The following IRX4 variants were observed in gnomAD, a reference collection of about 807,000 sequenced individuals.
IRX4 encodes iroquois homeobox 4.
Under a neutral mutation model 32.0 loss-of-function variants are expected in IRX4, and 22 were observed. The ratio of observed to expected loss-of-function variants is 0.69; its 90% CI spans 0.49 to 0.98. IRX4 has a LOEUF of 0.98. IRX4 is among the 50% of genes least tolerant of loss of function. The probability of loss-of-function intolerance (pLI) is 0.00; values close to 1 mark genes in which losing one functional copy is unlikely to be tolerated. For synonymous variants in IRX4, 379 were observed against 351.7 expected, an observed-to-expected ratio of 1.08 and a Z score of -0.87; for missense variants, 840 against 744.2, an observed-to-expected ratio of 1.13 and a Z score of -1.50.
At position 1,882,668 on chromosome 5, in the gene IRX4, G is replaced by C. The variant is rs1735496452; in HGVS notation, c.-21C>G. The C allele has an allele frequency of 2.8e-5, 38 of 1,376,296 alleles. No individual in the cohort carries two copies. The highest frequency in any genetic ancestry group is 3.4e-5 in the Non-Finnish European group (36 of 1,061,900). The allele number at this position is 1,376,296 out of a possible 1,614,324, so 85.3% of individuals were successfully genotyped here. ...GACATGGCGGGCGCGGCCCGGGGCG[G>C]ACGGGCGGGGCCTGCAGGGTTCTGC... On this transcript the variant is annotated 5_prime_UTR_variant, in exon 1 of 5. Transcript: ENST00000231357.
Position 1,879,570 on chromosome 5 carries a change from C to T in IRX4, c.670G>A (p.Gly224Ser), listed in dbSNP as rs766614684. The stretch of plus-strand genomic sequence containing the variant: ...TCCTCGCCCCCCTCCTCCTCCTCGC[C>T]CTCCGCGTAGGGCCGCTTCTCGTCT... Reference protein sequence around the residue: ...CADEKRPYAEGEEEEGGEEEA... With the variant: ...CADEKRPYAESEEEEGGEEEA... The change falls in exon 4 of 5, where the codon GGC becomes AGC. Residue 224 changes from glycine (G) to serine (S), a missense_variant. Transcript: ENST00000231357. 4 of 1,613,696 alleles carry T rather than the reference C, an allele frequency of 2.5e-6. No homozygotes were observed. The highest frequency in any genetic ancestry group is 4.5e-5 in the East Asian group (2 of 44,882).
At position 1,882,632 on chromosome 5, in the gene IRX4, A is replaced by C; in HGVS notation, c.16T>G (p.Phe6Val). 7.0e-7 allele frequency: 1 copy of C among 1,422,882 alleles called. No homozygotes were observed. The highest frequency in any genetic ancestry group is 1.5e-5 in the South Asian group (1 of 65,674). 88.1% of individuals were successfully genotyped at this position (1,422,882 alleles called of 1,614,324 possible). Residue 6 changes from phenylalanine to valine, a missense_variant, in exon 1 of 5, where the codon TTT becomes GTT. Around this residue, in one of 3 missense-constraint regions of IRX4, gnomAD observed 241 missense variants for 220.8 expected, o/e 1.09. Coordinates refer to ENST00000231357, the MANE Select transcript of IRX4 (RefSeq NM_016358.3). ...GGAGCCGAGGAGTAGGGGTATCCAAACTGCGGGTAGGACATGGCGGGCGCG... is the reference window on the plus strand; with the variant it reads ...GGAGCCGAGGAGTAGGGGTATCCAACCTGCGGGTAGGACATGGCGGGCGCG... MSYPQ[F>V]GYPYSSAPQF... is the part of the protein sequence containing the mutation.
At chr5:1,882,165 C>T in intron 1 of IRX4, 106 bp from the exon 2 acceptor site, 1 of 1,351,298 alleles carries the variant, frequency 7.4e-7, no homozygotes, top group Non-Finnish European at 9.8e-7. Context: ...CCGAGTACCC[C>T]CGGGCCTCCC....
chr5:1,881,476 AGAG>A, intron 2 of IRX4, among the ~76,000 whole-genome samples: 1 of 151,350 alleles, frequency 6.6e-6, no homozygotes, highest in Admixed American at 6.6e-5. Context: ...GGAGGCGGGG[AGAG>A]GAGAATGGGG....
chr5:1,878,858 C>T (rs867072253), intron 4 of IRX4, 66 bp from the exon 5 acceptor site: 10 of 1,530,838 alleles, frequency 6.5e-6, no homozygotes, highest in South Asian at 5.6e-5. Flanking sequence ...CCCCTGTCCC[C>T]GTCCACCATT....
rs773368386 is a variant in IRX4 at position 1,882,100 on chromosome 5, G to A, written c.46-41C>T. 9 of 1,533,366 alleles carry A rather than the reference G, an allele frequency of 5.9e-6. No individual in the cohort carries two copies. In the East Asian group the frequency reaches 7.4e-5, roughly 13 times the overall value. 95.0% of individuals were successfully genotyped at this position (1,533,366 alleles called of 1,614,324 possible). A position where few individuals can be genotyped will look rare whatever the true frequency, so the allele number is the denominator to read the frequency against. The stretch of plus-strand genomic sequence containing the variant: ...GCGAGGACTGGCGGGAAGCCGGGCT[G>A]GAGGCTGGGGCCCTGGGCCTTGCCA... On this transcript the variant is annotated intron_variant, in intron 1 of 4. Coordinates refer to ENST00000231357, the MANE Select transcript of IRX4 (RefSeq NM_016358.3).
chr5:1,880,095 G>T, intron 3 of IRX4: 1 of 1,535,612 alleles, frequency 6.5e-7, no homozygotes, highest in Non-Finnish European at 8.7e-7. Flanking sequence ...CCAAGCCAGA[G>T]AGGTCCAGGC....
intron 1 of IRX4, 50 bp downstream of exon 1, chr5:1,882,553 C>G: frequency 6.8e-7 from 1 of 1,464,200 alleles, no homozygotes; most frequent in Non-Finnish European, 9.2e-7. Context: ...CCCGCCCCAT[C>G]CGCCCTACCG....
chr5:1,880,062 T>G lies in IRX4; in HGVS notation c.408-230A>C, dbSNP rs1735375559. ...GGGCAAAGATTATATTTGACTAAACTTACAGGGAGCCTGGGCTCCTTCCCA... is the reference window on the plus strand; with the variant it reads ...GGGCAAAGATTATATTTGACTAAACGTACAGGGAGCCTGGGCTCCTTCCCA... On this transcript the variant is annotated intron_variant, in intron 3 of 4. Coordinates refer to ENST00000231357, the MANE Select transcript of IRX4 (RefSeq NM_016358.3). The G allele has an allele frequency of 5.9e-6, 9 of 1,533,802 alleles. No homozygotes were observed. Among genetic ancestry groups the G allele is most frequent in the Non-Finnish European group, 7.9e-6 (9 of 1,146,108 alleles).
chr5:1,878,022 C>T lies in IRX4; in HGVS notation c.1507G>A (p.Ala503Thr). ...VPQDAPAAGA[A>T]RELLALPKAG... is the part of the protein sequence containing the mutation. ...TTGGGCAGGGCGAGCAGCTCCCTGG[C>T]GGCGCCTGCAGCTGGGGCGTCCTGG... Residue 503 changes from alanine to threonine, a missense_variant, in exon 5 of 5, where the codon GCC becomes ACC. Around this residue, in one of 3 missense-constraint regions of IRX4, gnomAD observed 585 missense variants for 488.0 expected, o/e 1.20. Coordinates refer to ENST00000231357, the MANE Select transcript of IRX4 (RefSeq NM_016358.3). 1 of 1,506,890 alleles carries T rather than the reference C, an allele frequency of 6.6e-7. No individual in the cohort carries two copies. Among genetic ancestry groups the T allele is most frequent in the Non-Finnish European group, 8.8e-7 (1 of 1,133,330 alleles). The allele number at this position is 1,506,890 out of a possible 1,614,324, so 93.3% of individuals were successfully genotyped here.
At chr5:1,885,020 G>GA (rs1735583577), upstream of IRX4, among the ~76,000 whole-genome samples, 1 of 152,234 alleles carries the variant, frequency 6.6e-6, no homozygotes, top group Admixed American at 6.5e-5. Context: ...CCCCAGAGGG[G>GA]AGGCATTCAG....
chr5:1,878,323 G>C lies in IRX4; in HGVS notation c.1206C>G (p.Ala402=), dbSNP rs748568709. The change falls in exon 5 of 5, where the codon GCC becomes GCG. Residue 402 remains alanine (A), a synonymous_variant. Coordinates refer to ENST00000231357, the MANE Select transcript of IRX4 (RefSeq NM_016358.3). ...SCMLKRQGPA[A]PAAVSSAPAT... is the part of the protein sequence containing the mutation. ...CGGGCGCGGAGGACACAGCCGCAGGGGCCGCGGGACCTTGGCGCTTGAGCA... is the reference window on the plus strand; with the variant it reads ...CGGGCGCGGAGGACACAGCCGCAGGCGCCGCGGGACCTTGGCGCTTGAGCA... 1 of 1,561,830 alleles carries C rather than the reference G, an allele frequency of 6.4e-7. No homozygotes were observed. The highest frequency in any genetic ancestry group is 1.2e-5 in the South Asian group (1 of 85,224).
At position 1,882,821 on chromosome 5, in the gene IRX4, T is replaced by G; in HGVS notation, c.-174A>C. ...AAACTTTTCTAACCGGGTAACAAAG[T>G]GAGCAGCGGTGGCCGCCGCGATTCC... On this transcript the variant is annotated 5_prime_UTR_variant, in exon 1 of 5. Coordinates refer to ENST00000231357, the MANE Select transcript of IRX4 (RefSeq NM_016358.3). 2.4e-6 allele frequency: 1 copy of G among 411,428 alleles called. No homozygotes were observed. 25.5% of individuals were successfully genotyped at this position (411,428 alleles called of 1,614,324 possible).
rs561704242 is a variant in IRX4 at position 1,878,734 on chromosome 5, C to A, written c.795G>T (p.Pro265=). 3 of 1,613,006 alleles carry A rather than the reference C, an allele frequency of 1.9e-6. No homozygotes were observed. The highest frequency in any genetic ancestry group is 1.1e-5 in the South Asian group (1 of 91,072). Residue 265 remains proline (P), a synonymous_variant, in exon 5 of 5, where the codon CCG becomes CCT. Coordinates refer to ENST00000231357, the MANE Select transcript of IRX4 (RefSeq NM_016358.3). ...LELSDLDDFD[P]LEAEPPACEL... ...CGCACGCCGGCGGCTCTGCTTCCAG[C>A]GGGTCGAAGTCGTCCAAGTCACTAA... is the stretch of plus-strand genomic sequence containing the variant.
upstream of IRX4, among the ~76,000 whole-genome samples, chr5:1,886,108 G>A (rs1456173064): frequency 6.6e-6 from 1 of 152,264 alleles, no homozygotes; most frequent in African/African-American, 2.4e-5. Context: ...CGAAGCGCAG[G>A]CGGGTCGCCT....
In IRX4 at chr5:1,878,550, G is replaced by A. The variant is rs2111433803; in HGVS notation, c.979C>T (p.Leu327Phe). 1 of 1,509,832 alleles carries A rather than the reference G, an allele frequency of 6.6e-7. No individual in the cohort carries two copies. 93.5% of individuals were successfully genotyped at this position (1,509,832 alleles called of 1,614,324 possible). A position where few individuals can be genotyped will look rare whatever the true frequency, so the allele number is the denominator to read the frequency against. The stretch of plus-strand genomic sequence containing the variant: ...TCCGGCCCGGCCGCCGCGCTGCGGA[G>A]ACAGCTCCGGGCCCTCTCCAGGTCC... ...DEDLERARSC[L>F]RSAAAGPEPL... Residue 327 changes from leucine (L) to phenylalanine (F), a missense_variant, in exon 5 of 5, where the codon CTC (leucine) becomes TTC (phenylalanine). By Grantham distance (22) the Leu-to-Phe change is conservative. Transcript: ENST00000231357.
In IRX4 at chr5:1,878,718, G is replaced by C; in HGVS notation, c.811C>G (p.Pro271Ala). 6.2e-7 allele frequency: 1 copy of C among 1,612,700 alleles called. No individual in the cohort carries two copies. Among genetic ancestry groups the C allele is most frequent in the Non-Finnish European group, 8.5e-7 (1 of 1,179,948 alleles). Residue 271 changes from proline to alanine, a missense_variant, in exon 5 of 5, where the codon CCG (proline) becomes GCG (alanine). Physicochemically the swap from Pro to Ala is conservative, Grantham distance 27 (BLOSUM62 -1). This residue lies in a region of IRX4 where 585 missense variants were observed against 488.0 expected (regional missense o/e 1.20). Coordinates refer to ENST00000231357, the MANE Select transcript of IRX4 (RefSeq NM_016358.3). ...AAGGGCGGCTTCAGCTCGCACGCCGGCGGCTCTGCTTCCAGCGGGTCGAAG... is the reference window on the plus strand; with the variant it reads ...AAGGGCGGCTTCAGCTCGCACGCCGCCGGCTCTGCTTCCAGCGGGTCGAAG... ...DDFDPLEAEP[P>A]ACELKPPFHS...
intron 4 of IRX4, among the ~76,000 whole-genome samples, 186 bp from the exon 5 acceptor site, chr5:1,878,978 G>T (rs539665584): frequency 1.7e-4 from 26 of 150,000 alleles, no homozygotes; most frequent in African/African-American, 6.2e-4. Context: ...GCCTCCAATG[G>T]GGGAGGGGGG....
intron 4 of IRX4, 72 bp downstream of exon 4, chr5:1,879,432 C>T (rs1487658666): frequency 7.5e-6 from 12 of 1,608,278 alleles, no homozygotes; most frequent in Non-Finnish European, 9.3e-6. Flanking sequence ...CCCAAGACGT[C>T]CTAGAACCGC....
Sources: gnomAD v4.1 joint callset for allele counts (sites outside exome capture counted in the v4.1 genomes callset) on GRCh38, gnomAD v4.1.1 for gene constraint, gnomAD v4.1.1 regional missense constraint, MANE v1.5 for transcripts, NCBI Gene and HGNC (gene_info 2026-07-23, HGNC 2026-07-21) for gene names.